The following DHRSX variants were observed in gnomAD, a reference collection of about 807,000 sequenced individuals.
DHRSX encodes dehydrogenase/reductase X-linked.
DHRSX carries 31 observed loss-of-function variants against 34.0 expected under a neutral mutation model. That is an observed-to-expected ratio of 0.91 (90% CI 0.69 to 1.23). The LOEUF (loss-of-function observed/expected upper bound fraction) is 1.23, where lower values mean the gene tolerates loss of function less well. DHRSX is among the 50% of genes most tolerant of loss of function. The probability of loss-of-function intolerance (pLI) is 0.00; values close to 1 mark genes in which losing one functional copy is unlikely to be tolerated. For synonymous variants in DHRSX, 201 were observed against 183.8 expected, an observed-to-expected ratio of 1.09 and a Z score of -0.76; for missense variants, 414 against 428.1, an observed-to-expected ratio of 0.97 and a Z score of 0.29.
chrX:2,246,741 A>AAAGAAAGAAAGAAAG (rs2016303297), intron 5 of DHRSX, among the ~76,000 whole-genome samples: 2 of 113,502 alleles, frequency 1.8e-5, no homozygotes, highest in Admixed American at 1.7e-4. Flanking sequence ...AGAAAGAAAG[A>AAAGAAAGAAAGAAAG]AAGAAAGAAA....
At chrX:2,398,658 A>G (rs1229561297) in intron 3 of DHRSX, among the ~76,000 whole-genome samples, 1 of 147,728 alleles carries the variant, frequency 6.8e-6, no homozygotes, top group Non-Finnish European at 1.5e-5. Context: ...AAGAAACGTT[A>G]AATGCATATT....
intron 2 of DHRSX, among the ~76,000 whole-genome samples, chrX:2,421,140 A>G: frequency 6.6e-6 from 1 of 152,304 alleles, no homozygotes; most frequent in South Asian, 2.1e-4. Context: ...GCACTTTGGG[A>G]AGCCGAGGCA....
chrX:2,303,187 T>C (rs899754856), intron 3 of DHRSX, among the ~76,000 whole-genome samples: 2 of 152,184 alleles, frequency 1.3e-5, no homozygotes, highest in African/African-American at 4.8e-5. Context: ...GAAAAAAGGC[T>C]TATAGCCACT....
chrX:2,399,725 C>CAAAAAAAAAAAAAAAAA (rs779558142), intron 3 of DHRSX, among the ~76,000 whole-genome samples: 2 of 35,232 alleles, frequency 5.7e-5, no homozygotes, highest in Non-Finnish European at 9.7e-5. Context: ...AAACAAAAAG[C>CAAAAAAAAAAAAAAAAA]AAAAAAAAAA....
intron 5 of DHRSX, among the ~76,000 whole-genome samples, chrX:2,243,994 C>T (rs113768718): frequency 0.076 from 11,529 of 151,526 alleles, 1,361 homozygotes; most frequent in African/African-American, 0.25. Flanking sequence ...TGGTCTTGAA[C>T]TCCTGACCTC....
chrX:2,263,733 G>A (rs1400928614), intron 5 of DHRSX, among the ~76,000 whole-genome samples: 34 of 151,914 alleles, frequency 2.2e-4, no homozygotes, highest in South Asian at 2.1e-4. Flanking sequence ...GGATGGTCTC[G>A]ATCTCCTGAC....
chrX:2,406,214 C>G lies in DHRSX; in HGVS notation c.286+2531G>C, dbSNP rs776848793. Among the ~76,000 whole-genome samples the G allele has an allele frequency of 2.0e-5, 3 of 151,976 alleles. No individual in the cohort carries two copies. In the South Asian group the frequency reaches 6.2e-4, roughly 32 times the overall value. On this transcript the variant is annotated intron_variant, in intron 3 of 6. Transcript: ENST00000334651. Reference sequence around the variant, plus strand: ...GGCTGAGGCAGAAGAATCGCTTGAACCTGGGAGCCGGAGGTTGCAGTGAGC... The same window carrying G: ...GGCTGAGGCAGAAGAATCGCTTGAAGCTGGGAGCCGGAGGTTGCAGTGAGC...
chrX:2,234,051 T>G (rs1477475571), intron 6 of DHRSX, among the ~76,000 whole-genome samples: 3 of 152,258 alleles, frequency 2.0e-5, no homozygotes, highest in Non-Finnish European at 4.4e-5. Flanking sequence ...TGCCTGATTC[T>G]TCCAGGGACC....
intron 3 of DHRSX, among the ~76,000 whole-genome samples, chrX:2,324,490 G>A (rs2042352677): frequency 6.6e-6 from 1 of 152,080 alleles, no homozygotes; most frequent in Admixed American, 6.6e-5. Context: ...TTGTGTGCAC[G>A]TCTTCCAGCC....
At position 2,229,788 on chromosome X, in the gene DHRSX, G is replaced by T. The variant is rs189766881; in HGVS notation, c.805-8559C>A. 5.7e-3 allele frequency among the ~76,000 whole-genome samples: 861 copies of T among 152,090 alleles called. 5 individuals carry two copies. The highest frequency in any genetic ancestry group is 0.02 in the African/African-American group (833 of 41,486). On this transcript the variant is annotated intron_variant, in intron 6 of 6. Coordinates refer to ENST00000334651, the MANE Select transcript of DHRSX (RefSeq NM_145177.3). ...GTGGGGGCGCAGATGTGCGGGTATG[G>T]GCCTGCGTGTGTTTGCACATGTGTA...
At chrX:2,323,071 C>CAGCCGCA (rs2042332886) in intron 3 of DHRSX, among the ~76,000 whole-genome samples, 1 of 151,964 alleles carries the variant, frequency 6.6e-6, no homozygotes, top group South Asian at 2.1e-4. Context: ...TTACAGGCGC[C>CAGCCGCA]ACACCCAGCT....
chrX:2,228,454 GAGGGAGGGAGGGAGGGAGGGAGGA>G (rs2015784310), intron 6 of DHRSX, among the ~76,000 whole-genome samples: 1 of 25,924 alleles, frequency 3.9e-5, no homozygotes, highest in Non-Finnish European at 6.1e-5. Flanking sequence ...GGAGGGAAGG[GAGGGAGGGAGGGAGGGAGGGAGGA>G]AGGAAGGAAG....
intron 6 of DHRSX, among the ~76,000 whole-genome samples, chrX:2,231,703 T>G (rs1474539323): frequency 2.0e-5 from 3 of 150,352 alleles, no homozygotes; most frequent in Non-Finnish European, 4.4e-5. Context: ...CTTTTCACTC[T>G]CTATTCCTCT....
At chrX:2,409,639 T>C (rs2043601495) in intron 2 of DHRSX, among the ~76,000 whole-genome samples, 1 of 152,158 alleles carries the variant, frequency 6.6e-6, no homozygotes. Flanking sequence ...TTTAGAAGGA[T>C]GGAAAGAGGT....
chrX:2,418,806 TC>T (rs1335686638), intron 2 of DHRSX, among the ~76,000 whole-genome samples: 1 of 152,182 alleles, frequency 6.6e-6, no homozygotes, highest in Non-Finnish European at 1.5e-5. Flanking sequence ...ATATAGAAAG[TC>T]CTGGAAAGTT....
intron 6 of DHRSX, among the ~76,000 whole-genome samples, chrX:2,234,193 G>A (rs1444807300): frequency 1.3e-5 from 2 of 151,658 alleles, no homozygotes; most frequent in Non-Finnish European, 2.9e-5. Context: ...CCTGATCCAT[G>A]CACACAGCTG....
chrX:2,392,594 A>G (rs2043347683), intron 3 of DHRSX: 1 of 165,062 alleles, frequency 6.1e-6, no homozygotes, highest in Non-Finnish European at 1.2e-5. Context: ...TATATTATAT[A>G]TTATGATATA....
chrX:2,304,477 G>C (rs938401850), intron 3 of DHRSX, among the ~76,000 whole-genome samples: 3 of 152,142 alleles, frequency 2.0e-5, no homozygotes, highest in Non-Finnish European at 4.4e-5. Context: ...TGTAGGGGGA[G>C]ATTGGGTCAC....
chrX:2,343,910 A>G (rs780851122), intron 3 of DHRSX, among the ~76,000 whole-genome samples: 1 of 152,298 alleles, frequency 6.6e-6, no homozygotes, highest in African/African-American at 2.4e-5. Flanking sequence ...GTGCGCCTGT[A>G]GCTCTGACTA....
Sources: gnomAD v4.1 joint callset for allele counts (sites outside exome capture counted in the v4.1 genomes callset) on GRCh38, gnomAD v4.1.1 for gene constraint, MANE v1.5 for transcripts, NCBI Gene and HGNC (gene_info 2026-07-23, HGNC 2026-07-21) for gene names.